The following FARS2 variants were observed in gnomAD, a reference collection of about 807,000 sequenced individuals.
FARS2 encodes the protein phenylalanyl-tRNA synthetase 2, mitochondrial.
FARS2 carries 40 observed loss-of-function variants against 46.4 expected under a neutral mutation model. The ratio of observed to expected loss-of-function variants is 0.86; its 90% CI spans 0.67 to 1.12. The LOEUF (loss-of-function observed/expected upper bound fraction) is 1.12, where lower values mean the gene tolerates loss of function less well. Ranked by LOEUF, FARS2 falls within the 50% of genes most tolerant of loss-of-function variation. The pLI, the probability that FARS2 is intolerant of heterozygous loss-of-function variation, is 0.00. For synonymous variants in FARS2, 234 were observed against 214.9 expected (o/e 1.09, Z -0.78); for missense variants, 513 against 567.9 (o/e 0.90, Z 0.98).
chr6:5,388,507 C>G (rs1277471747), intron 2 of FARS2, among the ~76,000 whole-genome samples: 1 of 152,132 alleles, frequency 6.6e-6, no homozygotes, highest in Non-Finnish European at 1.5e-5. Flanking sequence ...CTCTAGATGG[C>G]ACTGATTTTA....
chr6:5,537,835 C>G (rs555990693), intron 4 of FARS2, among the ~76,000 whole-genome samples: 2 of 152,134 alleles, frequency 1.3e-5, no homozygotes, highest in African/African-American at 4.8e-5. Flanking sequence ...TCTCACTGTC[C>G]TCTTTTCTAT....
At chr6:5,463,313 A>G (rs1765347198) in intron 4 of FARS2, among the ~76,000 whole-genome samples, 1 of 152,184 alleles carries the variant, frequency 6.6e-6, no homozygotes, top group Non-Finnish European at 1.5e-5. Flanking sequence ...ACGATCTTGT[A>G]TCTTGTGGCC....
intron 3 of FARS2, among the ~76,000 whole-genome samples, chr6:5,411,330 GCTGCCTCTGATT>G (rs1477874652): frequency 1.3e-5 from 2 of 152,088 alleles, no homozygotes; most frequent in South Asian, 2.1e-4. Context: ...CTCTCTAGGT[GCTGCCTCTGATT>G]CTGCCTCTGA....
rs151200746 is a variant in FARS2 at position 5,606,689 on chromosome 6, G to A, written c.1066-6480G>A. 1.3e-3 allele frequency among the ~76,000 whole-genome samples: 197 copies of A among 152,274 alleles called. 1 individual carries two copies. Among genetic ancestry groups the A allele is most frequent in the African/African-American group, 4.5e-3 (189 of 41,570 alleles). On this transcript the variant is annotated intron_variant, in intron 5 of 6. Transcript: ENST00000274680. ...AAGGACTTTGTTACTCAGCACAGAG[G>A]TGGCGTGAGTTCTCTTAGCATTGGC...
chr6:5,586,450 G>A (rs988002967), intron 5 of FARS2, among the ~76,000 whole-genome samples: 1 of 152,046 alleles, frequency 6.6e-6, no homozygotes, highest in Non-Finnish European at 1.5e-5. Context: ...TGAGATGATT[G>A]CATGATTTTT....
chr6:5,284,414 C>T (rs1329894939), intron 1 of FARS2, among the ~76,000 whole-genome samples: 1 of 152,138 alleles, frequency 6.6e-6, no homozygotes, highest in Non-Finnish European at 1.5e-5. Context: ...CTCTTTCGAT[C>T]GTAGGACAAG....
Position 5,545,202 on chromosome 6 carries a change from C to T in FARS2, c.927C>T (p.Gly309=). Residue 309 remains glycine (G), a synonymous_variant, in exon 5 of 7, where the codon GGC becomes GGT. Coordinates refer to ENST00000274680, the MANE Select transcript of FARS2 (RefSeq NM_006567.5). Reference sequence around the variant, plus strand: ...CAGCTGGTGCTCAAGACCGAATCGGCTGGGCTTTTGGCCTAGGATTAGAAA... The same window carrying T: ...CAGCTGGTGCTCAAGACCGAATCGGTTGGGCTTTTGGCCTAGGATTAGAAA... The part of the protein sequence containing the change: ...VNSAGAQDRI[G]WAFGLGLERL... The T allele has an allele frequency of 6.2e-7, 1 of 1,613,926 alleles. No homozygotes were observed. The highest frequency in any genetic ancestry group is 8.5e-7 in the Non-Finnish European group (1 of 1,179,870).
At chr6:5,609,058 A>C (rs1189214983) in intron 5 of FARS2, among the ~76,000 whole-genome samples, 1 of 152,170 alleles carries the variant, frequency 6.6e-6, no homozygotes, top group African/African-American at 2.4e-5. Context: ...TCACAAATAC[A>C]GTCCTCAGTT....
chr6:5,654,179 A>G (rs1345069160), intron 6 of FARS2, among the ~76,000 whole-genome samples: 2 of 152,086 alleles, frequency 1.3e-5, no homozygotes, highest in East Asian at 3.9e-4. Context: ...TTCTGTGGAA[A>G]CCACGGCTGC....
rs35240833 is a variant in FARS2 at position 5,337,188 on chromosome 6, G to GTATATATA, written c.-21-31354_-21-31347dup. On this transcript the variant is annotated intron_variant, in intron 1 of 6. Coordinates refer to ENST00000274680, the MANE Select transcript of FARS2 (RefSeq NM_006567.5). ...GTATGTGTAAATATATATGTAATAT[G>GTATATATA]TATATATATATATATGGAGAGTGAG... 4.8e-4 allele frequency among the ~76,000 whole-genome samples: 71 copies of GTATATATA among 148,382 alleles called. 1 individual carries two copies. The highest frequency in any genetic ancestry group is 1.3e-3 in the South Asian group (6 of 4,740).
At chr6:5,742,495 C>T (rs11962598) in intron 6 of FARS2, among the ~76,000 whole-genome samples, 4,396 of 152,146 alleles carry the variant, frequency 0.029, 211 homozygotes, top group African/African-American at 0.1. Context: ...CCTTCTAAGC[C>T]CTGACTTCAA....
intron 5 of FARS2, among the ~76,000 whole-genome samples, chr6:5,549,249 GTAT>G (rs1771229261): frequency 6.6e-6 from 1 of 151,326 alleles, no homozygotes; most frequent in Non-Finnish European, 1.5e-5. Flanking sequence ...TGTTACATAT[GTAT>G]ACATGTGCCA....
intron 6 of FARS2, among the ~76,000 whole-genome samples, chr6:5,718,830 T>G (rs1485627785): frequency 6.6e-6 from 1 of 152,186 alleles, no homozygotes; most frequent in Non-Finnish European, 1.5e-5. Flanking sequence ...CCTGGCGTAT[T>G]AAATTCAGGT....
chr6:5,612,389 C>T (rs1341402243), intron 5 of FARS2, among the ~76,000 whole-genome samples: 1 of 152,080 alleles, frequency 6.6e-6, no homozygotes, highest in Non-Finnish European at 1.5e-5. Context: ...TTTTTTATTG[C>T]AGCAGTAACT....
At chr6:5,716,929 G>C (rs1279833666) in intron 6 of FARS2, among the ~76,000 whole-genome samples, 2 of 152,196 alleles carry the variant, frequency 1.3e-5, no homozygotes, top group Non-Finnish European at 2.9e-5. Flanking sequence ...CTTGTGTGGA[G>C]ACTTCATTGG....
At chr6:5,499,158 G>T (rs1767646372) in intron 4 of FARS2, among the ~76,000 whole-genome samples, 1 of 152,182 alleles carries the variant, frequency 6.6e-6, no homozygotes, top group African/African-American at 2.4e-5. Flanking sequence ...CTTGGGCGAG[G>T]CGTGTATCGA....
chr6:5,334,558 A>C (rs928005290), intron 1 of FARS2, among the ~76,000 whole-genome samples: 1 of 152,212 alleles, frequency 6.6e-6, no homozygotes, highest in African/African-American at 2.4e-5. Context: ...ATCGCTATGC[A>C]CTACTGTACT....
At chr6:5,536,753 T>C (rs1770229189) in intron 4 of FARS2, among the ~76,000 whole-genome samples, 2 of 152,220 alleles carry the variant, frequency 1.3e-5, no homozygotes, top group African/African-American at 4.8e-5. Context: ...GAATTATAGA[T>C]AAAAGAGTAC....
At chr6:5,549,760 G>A (rs1771262196) in intron 5 of FARS2, among the ~76,000 whole-genome samples, 1 of 152,136 alleles carries the variant, frequency 6.6e-6, no homozygotes, top group Non-Finnish European at 1.5e-5. Flanking sequence ...ACAGGGATTA[G>A]GACGTAGATA....
Sources: allele counts gnomAD v4.1 joint callset (sites outside exome capture counted in the v4.1 genomes callset), GRCh38; gene constraint gnomAD v4.1.1; transcripts MANE v1.5; gene names NCBI Gene and HGNC (gene_info 2026-07-23, HGNC 2026-07-21).